Variants in THADA observed in about 807,000 individuals in gnomAD.
The protein encoded by THADA is tRNA (32-2'-O)-methyltransferase regulator THADA.
A neutral mutation model predicts 219.8 loss-of-function variants in THADA; 213 were observed. The observed-to-expected ratio is 0.97, with a 90% CI of 0.87 to 1.09. THADA has a LOEUF of 1.09. Ranked by LOEUF, THADA falls within the 50% of genes least tolerant of loss-of-function variation. THADA has a pLI of 0.00. For synonymous variants in THADA, 1,018 were observed against 828.9 expected (o/e 1.23, Z -3.92); for missense variants, 2,956 against 2,311.3 (o/e 1.28, Z -5.72).
At position 43,279,913 on chromosome 2, in the gene THADA, G is replaced by T; in HGVS notation, c.5165-17C>A. ...CCTGCAACTCTAAGAAGACCAAAAG[G>T]AATCTGAATTACCTAGAATGCAATT... On this transcript the variant is annotated splice_polypyrimidine_tract_variant and intron_variant, in intron 35 of 37. Coordinates refer to ENST00000405975, the MANE Select transcript of THADA (RefSeq NM_022065.5). 1 of 1,500,260 alleles carries T rather than the reference G, an allele frequency of 6.7e-7. No individual in the cohort carries two copies. The allele number at this position is 1,500,260 out of a possible 1,614,324, so 92.9% of individuals were successfully genotyped here.
chr2:43,334,821 T>C (rs1487574968), intron 30 of THADA, among the ~76,000 whole-genome samples: 1 of 151,310 alleles, frequency 6.6e-6, no homozygotes, highest in Non-Finnish European at 1.5e-5. Flanking sequence ...TACAGGGCAC[T>C]GAGGCCACTG....
intron 22 of THADA, among the ~76,000 whole-genome samples, chr2:43,522,970 CTTAG>C (rs1388456270): frequency 6.6e-6 from 1 of 151,894 alleles, no homozygotes; most frequent in Non-Finnish European, 1.5e-5. Flanking sequence ...TGGCTCATCT[CTTAG>C]TTATTCTTTA....
chr2:43,467,202 A>C (rs1022074524), intron 26 of THADA, among the ~76,000 whole-genome samples: 1 of 148,702 alleles, frequency 6.7e-6, no homozygotes, highest in South Asian at 2.1e-4. Context: ...AAAAAAAAAA[A>C]AAAACACCAC....
chr2:43,526,457 C>T (rs1693177554), intron 22 of THADA, among the ~76,000 whole-genome samples: 1 of 152,214 alleles, frequency 6.6e-6, no homozygotes, highest in South Asian at 2.1e-4. Flanking sequence ...TGAACATTTA[C>T]TCACAATGTT....
chr2:43,541,448 C>T (rs2103816137), intron 20 of THADA, 132 bp from the exon 21 acceptor site: 2 of 1,014,690 alleles, frequency 2.0e-6, no homozygotes, highest in East Asian at 5.0e-5. Context: ...TATATTTACT[C>T]AGAAGGAAAG....
intron 26 of THADA, among the ~76,000 whole-genome samples, chr2:43,464,433 T>C (rs1195061617): frequency 6.6e-6 from 1 of 152,220 alleles, no homozygotes; most frequent in Admixed American, 6.5e-5. Flanking sequence ...CCTAGCCAAA[T>C]AAATGCTTAT....
chr2:43,566,586 G>A (rs1158411), intron 15 of THADA, 112 bp downstream of exon 15: 363,475 of 1,161,520 alleles, frequency 0.31, 58,517 homozygotes, highest in African/African-American at 0.42. Context: ...AGGTAAGAAT[G>A]AAACCTCAAA....
In THADA at chr2:43,337,657, C is replaced by T. The variant is rs543267339; in HGVS notation, c.4343+6465G>A. 5.3e-5 allele frequency among the ~76,000 whole-genome samples: 8 copies of T among 151,822 alleles called. No individual in the cohort carries two copies. In the East Asian group the frequency reaches 1.6e-3, roughly 29 times the overall value. ...ACCAATTTATTCCACTTCTGGAAAT[C>T]AAACCTAAGGCAATAACCCACAATC... On this transcript the variant is annotated intron_variant, in intron 30 of 37. Transcript: ENST00000405975.
intron 29 of THADA, among the ~76,000 whole-genome samples, chr2:43,364,069 A>G (rs1223195491): frequency 2.0e-5 from 3 of 146,936 alleles, no homozygotes; most frequent in Non-Finnish European, 3.0e-5. Context: ...CCAAAATTAC[A>G]AAAAATTATA....
intron 26 of THADA, among the ~76,000 whole-genome samples, chr2:43,460,345 G>A (rs1215185971): frequency 6.6e-6 from 1 of 150,500 alleles, no homozygotes; most frequent in African/African-American, 2.4e-5. Context: ...AGAGTTGGCA[G>A]TACCCAGGTG....
rs1414016322 is a variant in THADA, at chr2:43,592,336, C to G, written c.57G>C (p.Gln19His). ...ACCTACATTTCAAAGTTTCAAGGTC[C>G]TGATGGCAAATGGTCAGCGCAGCAA... ...MQVAALTICHQDLETLKSFAD... is the reference protein window; with the variant it reads ...MQVAALTICHHDLETLKSFAD... The change falls in exon 2 of 38, where the codon CAG (glutamine) becomes CAC (histidine). Residue 19 changes from glutamine to histidine, a missense_variant. By Grantham distance (24) the Gln-to-His change is conservative (BLOSUM62 0). Coordinates refer to ENST00000405975, the MANE Select transcript of THADA (RefSeq NM_022065.5). 2 of 1,607,732 alleles carry G rather than the reference C, an allele frequency of 1.2e-6. No individual in the cohort carries two copies. Among genetic ancestry groups the G allele is most frequent in the Non-Finnish European group, 1.7e-6 (2 of 1,177,162 alleles).
At chr2:43,524,627 A>G (rs1031202887) in intron 22 of THADA, among the ~76,000 whole-genome samples, 2 of 152,236 alleles carry the variant, frequency 1.3e-5, no homozygotes, top group African/African-American at 2.4e-5. Flanking sequence ...AATAAAAACC[A>G]AACAAAAGGA....
chr2:43,407,325 T>C (rs774692473), intron 28 of THADA, among the ~76,000 whole-genome samples: 1 of 152,208 alleles, frequency 6.6e-6, no homozygotes, highest in Non-Finnish European at 1.5e-5. Context: ...AACCCTACTA[T>C]ATATAGATAG....
chr2:43,521,621 C>A (rs1024564887), intron 22 of THADA, among the ~76,000 whole-genome samples: 1 of 152,216 alleles, frequency 6.6e-6, no homozygotes, highest in African/African-American at 2.4e-5. Flanking sequence ...TAAGCCCCTA[C>A]TAAAAGTAAC....
intron 26 of THADA, among the ~76,000 whole-genome samples, chr2:43,455,814 G>T (rs1279588158): frequency 1.3e-5 from 2 of 152,118 alleles, no homozygotes; most frequent in African/African-American, 4.8e-5. Context: ...TCTCAATTCA[G>T]CTATGACTAA....
At position 43,398,099 on chromosome 2, in the gene THADA, C is replaced by T. The variant is rs368607191; in HGVS notation, c.4099G>A (p.Ala1367Thr). The change falls in exon 29 of 38, where the codon GCT becomes ACT. Residue 1367 changes from alanine (A) to threonine (T), a missense_variant. Physicochemically the swap from Ala to Thr is moderately conservative, Grantham distance 58 (BLOSUM62 0). Coordinates refer to ENST00000405975, the MANE Select transcript of THADA (RefSeq NM_022065.5). ...ATAACAAATGGGACCAAGGCACGAG[C>T]TGCCATTTCACGGGAGTGGTAGACA... ...SPVYHSREMA[A>T]RALVPFVMID... 13 of 1,613,956 alleles carry T rather than the reference C, an allele frequency of 8.1e-6. No homozygotes were observed. Among genetic ancestry groups the T allele is most frequent in the Non-Finnish European group, 1.1e-5 (13 of 1,179,840 alleles).
intron 29 of THADA, among the ~76,000 whole-genome samples, chr2:43,381,097 CAAAAAAA>C (rs58711910): frequency 1.1e-4 from 6 of 54,400 alleles, no homozygotes; most frequent in East Asian, 6.8e-4. Context: ...GAGACTTTGT[CAAAAAAA>C]AAAAAAAAAA....
At chr2:43,378,960 T>A (rs757088416) in intron 29 of THADA, among the ~76,000 whole-genome samples, 2 of 151,970 alleles carry the variant, frequency 1.3e-5, no homozygotes, top group Non-Finnish European at 2.9e-5. Flanking sequence ...CAACCTCAAC[T>A]GGAGGATAAG....
At chr2:43,523,593 C>G (rs2103701333) in intron 22 of THADA, among the ~76,000 whole-genome samples, 1 of 152,212 alleles carries the variant, frequency 6.6e-6, no homozygotes, top group South Asian at 2.1e-4. Context: ...GAATTTGAAT[C>G]ATGGTAGCTA....
Sources: allele counts gnomAD v4.1 joint callset (sites outside exome capture counted in the v4.1 genomes callset), GRCh38; gene constraint gnomAD v4.1.1; transcripts MANE v1.5; gene names NCBI Gene and HGNC (gene_info 2026-07-23, HGNC 2026-07-21).